SDK1: variants seen among roughly 807,000 people sequenced by gnomAD.
The protein encoded by SDK1 is sidekick cell adhesion molecule 1, also known as protein sidekick-1.
SDK1 carries 157 observed loss-of-function variants against 245.5 expected under a neutral mutation model. The observed-to-expected ratio is 0.64, with a 90% CI of 0.56 to 0.73. SDK1 has a LOEUF of 0.73. Among genes scored for constraint, SDK1 ranks in the 30% least tolerant of loss-of-function variants. The pLI is 0.00. For missense variants in SDK1, 3,583 were observed against 3,002.3 expected (o/e 1.19, Z -4.52); for synonymous variants, 1,647 against 1,278.5 (o/e 1.29, Z -6.15).
intron 5 of SDK1, among the ~76,000 whole-genome samples, chr7:3,875,652 C>A (rs903557812): frequency 2.0e-5 from 3 of 152,076 alleles, no homozygotes; most frequent in African/African-American, 7.2e-5. Flanking sequence ...TGTAGAGACT[C>A]GGGTAGGAAA....
intron 28 of SDK1, among the ~76,000 whole-genome samples, chr7:4,133,613 G>A (rs190023419): frequency 6.6e-6 from 1 of 152,212 alleles, no homozygotes. Flanking sequence ...ACTCAGCCAA[G>A]ACCGAATGCT....
chr7:3,592,864 G>A (rs1414449965), intron 1 of SDK1, among the ~76,000 whole-genome samples: 1 of 152,188 alleles, frequency 6.6e-6, no homozygotes, highest in Non-Finnish European at 1.5e-5. Flanking sequence ...GGTTTTTAAT[G>A]CACTGCTGAT....
chr7:4,002,394 G>A (rs758955925), intron 14 of SDK1, among the ~76,000 whole-genome samples: 4 of 152,262 alleles, frequency 2.6e-5, no homozygotes, highest in Middle Eastern at 3.4e-3. Flanking sequence ...ATTTAAGGGC[G>A]CTTTAATATA....
intron 4 of SDK1, among the ~76,000 whole-genome samples, chr7:3,798,398 T>C (rs531936778): frequency 4.6e-5 from 7 of 152,048 alleles, no homozygotes; most frequent in Middle Eastern, 3.4e-3. Context: ...TTTGTGTTTT[T>C]AGTAGAGACA....
intron 28 of SDK1, among the ~76,000 whole-genome samples, chr7:4,140,578 G>GA (rs1554359365): frequency 6.6e-6 from 1 of 152,018 alleles, no homozygotes; most frequent in Non-Finnish European, 1.5e-5. Flanking sequence ...CAGCAGGGGG[G>GA]AGCTGAGGCC....
intron 1 of SDK1, among the ~76,000 whole-genome samples, chr7:3,514,442 G>A (rs923644577): frequency 6.6e-6 from 1 of 152,176 alleles, no homozygotes; most frequent in African/African-American, 2.4e-5. Flanking sequence ...CTTAAGCAAG[G>A]GAAAGGTTTG....
At chr7:3,638,218 A>T in intron 2 of SDK1, among the ~76,000 whole-genome samples, 1 of 152,200 alleles carries the variant, frequency 6.6e-6, no homozygotes, top group Non-Finnish European at 1.5e-5. Flanking sequence ...AGTTGGGGAG[A>T]CAGGTATCAG....
chr7:4,057,537 T>C (rs1583972976), intron 19 of SDK1, among the ~76,000 whole-genome samples: 1 of 152,090 alleles, frequency 6.6e-6, no homozygotes, highest in East Asian at 1.9e-4. Context: ...GCATGCCTGC[T>C]GTCCAGGGCC....
At position 4,267,919 on chromosome 7, in the gene SDK1, A is replaced by T; in HGVS notation, c.*2535A>T. 1 of 985,506 alleles carries T rather than the reference A, an allele frequency of 1.0e-6. No individual in the cohort carries two copies. Among genetic ancestry groups the T allele is most frequent in the Non-Finnish European group, 1.2e-6 (1 of 830,006 alleles). 61.0% of individuals were successfully genotyped at this position (985,506 alleles called of 1,614,324 possible). A position where few individuals can be genotyped will look rare whatever the true frequency, so the allele number is the denominator to read the frequency against. Reference sequence around the variant, plus strand: ...CACCTGTGCAAAGGAACAGAGCTGGATGTTTCCAGGTAGATTTTGGCCTCC... The same window carrying T: ...CACCTGTGCAAAGGAACAGAGCTGGTTGTTTCCAGGTAGATTTTGGCCTCC... On this transcript the variant is annotated 3_prime_UTR_variant, in exon 45 of 45. Coordinates refer to ENST00000404826, the MANE Select transcript of SDK1 (RefSeq NM_152744.4).
At chr7:3,512,240 T>A (rs905447012) in intron 1 of SDK1, among the ~76,000 whole-genome samples, 3 of 152,190 alleles carry the variant, frequency 2.0e-5, no homozygotes, top group African/African-American at 7.2e-5. Flanking sequence ...CTGATAACTT[T>A]CACATAGTAA....
At position 4,051,723 on chromosome 7, in the gene SDK1, T is replaced by C; in HGVS notation, c.2804T>C (p.Ile935Thr). Reference sequence around the variant, plus strand: ...TTCCACGGAGTCCACCATGGACACATAACGAACCTGAAGAAGTTTACCGCC... The same window carrying C: ...TTCCACGGAGTCCACCATGGACACACAACGAACCTGAAGAAGTTTACCGCC... ...PDFHGVHHGH[I>T]TNLKKFTAYF... The change falls in exon 19 of 45, where the codon ATA becomes ACA. Residue 935 changes from isoleucine (I) to threonine (T), a missense_variant. Physicochemically the swap from Ile to Thr is moderately conservative, Grantham distance 89. Coordinates refer to ENST00000404826, the MANE Select transcript of SDK1 (RefSeq NM_152744.4). 2 of 1,614,030 alleles carry C rather than the reference T, an allele frequency of 1.2e-6. No individual in the cohort carries two copies. The highest frequency in any genetic ancestry group is 8.5e-7 in the Non-Finnish European group (1 of 1,179,962).
intron 21 of SDK1, among the ~76,000 whole-genome samples, chr7:4,077,963 G>A (rs955528157): frequency 2.0e-5 from 3 of 152,164 alleles, no homozygotes; most frequent in East Asian, 1.9e-4. Context: ...GCACATCTGG[G>A]TGCAAGTTAC....
At chr7:3,687,056 A>AAAACACACACACACACACACAC (rs758259836) in intron 4 of SDK1, among the ~76,000 whole-genome samples, 18 of 135,248 alleles carry the variant, frequency 1.3e-4, no homozygotes, top group South Asian at 2.5e-4. Context: ...ATAGCATCAA[A>AAAACACACACACACACACACAC]ACACACACAC....
chr7:3,973,140 G>A (rs545019236), intron 12 of SDK1, among the ~76,000 whole-genome samples: 2 of 152,058 alleles, frequency 1.3e-5, no homozygotes, highest in African/African-American at 2.4e-5. Context: ...GGTGCCCCTC[G>A]TCCCAGGGTT....
intron 4 of SDK1, among the ~76,000 whole-genome samples, chr7:3,687,967 A>G (rs6462234): frequency 0.83 from 126,801 of 152,110 alleles, 53,001 homozygotes; most frequent in Non-Finnish European, 0.86. Flanking sequence ...ATGAGAGGAG[A>G]AACATGGCAC....
intron 35 of SDK1, among the ~76,000 whole-genome samples, chr7:4,202,126 C>T (rs1443577272): frequency 6.6e-6 from 1 of 152,164 alleles, no homozygotes; most frequent in Non-Finnish European, 1.5e-5. Flanking sequence ...TGGACATGCT[C>T]TCTGGGCCCC....
chr7:4,200,633 A>T (rs1273039697), intron 35 of SDK1, among the ~76,000 whole-genome samples: 1 of 152,206 alleles, frequency 6.6e-6, no homozygotes, highest in Non-Finnish European at 1.5e-5. Flanking sequence ...GGGCCTCTCC[A>T]TGGGGCCTCT....
chr7:3,770,483 G>A (rs1209310016), intron 4 of SDK1, among the ~76,000 whole-genome samples: 2 of 152,154 alleles, frequency 1.3e-5, no homozygotes, highest in Admixed American at 6.5e-5. Context: ...TAGTTGCTGC[G>A]TTGTGTGGTA....
chr7:3,804,072 C>T (rs2115038644), intron 4 of SDK1, among the ~76,000 whole-genome samples: 1 of 152,258 alleles, frequency 6.6e-6, no homozygotes, highest in South Asian at 2.1e-4. Flanking sequence ...CAATATTTTC[C>T]TCTTAATAGA....
Sources: allele counts gnomAD v4.1 joint callset (sites outside exome capture counted in the v4.1 genomes callset), GRCh38; gene constraint gnomAD v4.1.1; transcripts MANE v1.5; gene names NCBI Gene and HGNC (gene_info 2026-07-23, HGNC 2026-07-21).